The following CYRIB variants were observed in gnomAD, a reference collection of about 807,000 sequenced individuals.
CYRIB encodes CYFIP-related Rac1 interactor B.
CYRIB carries 8 observed loss-of-function variants against 44.2 expected under a neutral mutation model. That is an observed-to-expected ratio of 0.18 (90% CI 0.11 to 0.33). The LOEUF (loss-of-function observed/expected upper bound fraction) is 0.33. Among genes scored for constraint, CYRIB ranks in the 10% least tolerant of loss-of-function variants. The probability of loss-of-function intolerance (pLI) is 1.00; values close to 1 mark genes in which losing one functional copy is unlikely to be tolerated. For synonymous variants in CYRIB, 131 were observed against 127.2 expected (o/e 1.03, Z -0.20); for missense variants, 185 against 382.8 (o/e 0.48, Z 4.31).
intron 5 of CYRIB, among the ~76,000 whole-genome samples, chr8:129,859,788 T>C (rs1279600296): frequency 6.6e-6 from 1 of 152,254 alleles, no homozygotes; most frequent in Admixed American, 6.5e-5. Flanking sequence ...ATTAATGATA[T>C]TCATATGTAA....
intron 5 of CYRIB, among the ~76,000 whole-genome samples, chr8:129,856,929 C>T (rs1165367854): frequency 3.3e-5 from 5 of 152,170 alleles, no homozygotes; most frequent in Non-Finnish European, 5.9e-5. Context: ...AAAACATTAA[C>T]CTCCTGATTA....
chr8:129,852,174 T>C (rs182851551), exon 8 of CYRIB: 3 of 1,548,920 alleles, frequency 1.9e-6, no homozygotes, highest in East Asian at 4.9e-5. Context: ...CTGATACAAA[T>C]TTTGTTGTGG....
rs547992937 is a variant in CYRIB at position 130,011,151 on chromosome 8, G to A, written c.-296+5219C>T. ...CTCACAAGCAGAATCTGAAATGTGT[G>A]CTCCCCGGGGGGACTCCTGGCACAC... On this transcript the variant is annotated intron_variant, in intron 1 of 14. Transcript: ENST00000401979. Among the ~76,000 whole-genome samples, 3 of 152,212 alleles carry A rather than the reference G, an allele frequency of 2.0e-5. No individual in the cohort carries two copies. The East Asian group carries it at 5.8e-4, about 29-fold the overall frequency.
intron 1 of CYRIB, among the ~76,000 whole-genome samples, chr8:129,971,423 C>A (rs1343977662): frequency 6.6e-6 from 1 of 152,186 alleles, no homozygotes; most frequent in African/African-American, 2.4e-5. Flanking sequence ...CATTATATCA[C>A]TGAATTGTTT....
At chr8:129,975,095 G>A (rs1209561977) in intron 1 of CYRIB, among the ~76,000 whole-genome samples, 1 of 152,080 alleles carries the variant, frequency 6.6e-6, no homozygotes, top group Admixed American at 6.6e-5. Flanking sequence ...TGGCCAGGCT[G>A]GTCTCGAACG....
chr8:129,978,785 G>A (rs1468889911), intron 1 of CYRIB, among the ~76,000 whole-genome samples: 1 of 152,136 alleles, frequency 6.6e-6, no homozygotes, highest in Non-Finnish European at 1.5e-5. Context: ...AACCAGCTAA[G>A]TGCGTGTACA....
At chr8:129,995,078 G>T (rs2096736928) in intron 1 of CYRIB, among the ~76,000 whole-genome samples, 1 of 152,232 alleles carries the variant, frequency 6.6e-6, no homozygotes, top group African/African-American at 2.4e-5. Context: ...CATACTGAGG[G>T]TTCCCCCAAC....
chr8:129,864,683 C>T (rs761559381), intron 4 of CYRIB: 13 of 263,298 alleles, frequency 4.9e-5, no homozygotes, highest in East Asian at 1.1e-4. Flanking sequence ...ATGCCCAGTT[C>T]CTAAGGGTGC....
At position 129,977,741 on chromosome 8, in the gene CYRIB, C is replaced by T. The variant is rs181546856; in HGVS notation, c.-295-6746G>A. Among the ~76,000 whole-genome samples, 12 of 152,192 alleles carry T rather than the reference C, an allele frequency of 7.9e-5. No individual in the cohort carries two copies. In the South Asian group the frequency reaches 1.0e-3, roughly 13 times the overall value. On this transcript the variant is annotated intron_variant, in intron 1 of 14. Coordinates refer to the CYRIB transcript ENST00000401979. ...TAGAGATGGGGTTTCACCGTGTTAG[C>T]CAGGATGGTCTCGATCTCCTGACCT...
chr8:129,982,720 G>A (rs1250243869), intron 1 of CYRIB, among the ~76,000 whole-genome samples: 2 of 152,164 alleles, frequency 1.3e-5, no homozygotes, highest in Non-Finnish European at 1.5e-5. Context: ...GTCCAAATGC[G>A]AGAAAAATCT....
chr8:130,004,297 G>A (rs2096980867), intron 1 of CYRIB, among the ~76,000 whole-genome samples: 1 of 152,044 alleles, frequency 6.6e-6, no homozygotes, highest in Non-Finnish European at 1.5e-5. Context: ...AGAGACAGGG[G>A]TCTCCCTATG....
intron 3 of CYRIB, among the ~76,000 whole-genome samples, chr8:129,874,454 C>T (rs2058453934): frequency 6.6e-6 from 1 of 151,902 alleles, no homozygotes; most frequent in African/African-American, 2.4e-5. Context: ...AATAAAAAGT[C>T]AAGATAAAAA....
intron 4 of CYRIB, among the ~76,000 whole-genome samples, chr8:129,870,220 C>G (rs1379012428): frequency 1.3e-5 from 2 of 151,842 alleles, no homozygotes; most frequent in African/African-American, 4.8e-5. Flanking sequence ...GCCAGGAGTT[C>G]AAGACCAGCC....
At chr8:129,979,854 G>A (rs1466233536) in intron 1 of CYRIB, among the ~76,000 whole-genome samples, 1 of 152,190 alleles carries the variant, frequency 6.6e-6, no homozygotes, top group Non-Finnish European at 1.5e-5. Context: ...CCAGGAGGCG[G>A]AGGGTGCAAT....
intron 11 of CYRIB, chr8:129,844,356 C>T (rs1179391812): frequency 1.3e-5 from 2 of 152,108 alleles, no homozygotes; most frequent in African/African-American, 4.8e-5. Flanking sequence ...ACTCACTTAT[C>T]AAGAAAAGGC....
chr8:129,926,525 A>T (rs1344987811), intron 1 of CYRIB, among the ~76,000 whole-genome samples: 2 of 152,196 alleles, frequency 1.3e-5, no homozygotes, highest in Non-Finnish European at 2.9e-5. Context: ...TCTAAATATG[A>T]TTTTGAACCA....
chr8:129,943,739 C>T (rs1184772536), upstream of CYRIB, among the ~76,000 whole-genome samples: 1 of 149,998 alleles, frequency 6.7e-6, no homozygotes, highest in Non-Finnish European at 1.5e-5. Flanking sequence ...GCTGGGACTA[C>T]AGGCGCCCAC....
intron 4 of CYRIB, among the ~76,000 whole-genome samples, chr8:129,867,763 C>G (rs1337011592): frequency 6.6e-6 from 1 of 152,154 alleles, no homozygotes; most frequent in Non-Finnish European, 1.5e-5. Flanking sequence ...CACATTTTTG[C>G]TACTATGAAT....
intron 1 of CYRIB, among the ~76,000 whole-genome samples, chr8:129,982,623 G>T (rs771260117): frequency 6.6e-6 from 1 of 152,134 alleles, no homozygotes; most frequent in Non-Finnish European, 1.5e-5. Flanking sequence ...AACTTACTTT[G>T]CAACAATGTA....
Sources: gnomAD v4.1 joint callset for allele counts (sites outside exome capture counted in the v4.1 genomes callset) on GRCh38, gnomAD v4.1.1 for gene constraint, MANE v1.5 for transcripts, NCBI Gene and HGNC (gene_info 2026-07-23, HGNC 2026-07-21) for gene names.